The following EBPL variants were observed in gnomAD, a reference collection of about 807,000 sequenced individuals.
The protein encoded by EBPL is EBP like.
A neutral mutation model predicts 19.0 loss-of-function variants in EBPL; 20 were observed. That is an observed-to-expected ratio of 1.05 (90% confidence interval 0.74 to 1.53). The LOEUF (loss-of-function observed/expected upper bound fraction) is 1.53, where lower values mean the gene tolerates loss of function less well. Ranked by LOEUF, EBPL falls within the 40% of genes most tolerant of loss-of-function variation. The pLI is 0.00. For synonymous variants in EBPL, 107 were observed against 117.0 expected, an observed-to-expected ratio of 0.91 and a Z score of 0.55; for missense variants, 219 against 261.1, an observed-to-expected ratio of 0.84 and a Z score of 1.11.
chr13:49,665,632 T>A lies in EBPL; in HGVS notation c.242-2437A>T, dbSNP rs187077619. ...ATGTTGGCAAGGCTGGTCTCAAACT[T>A]AACCTCAAGTGATCCATCTGTTTTG... On this transcript the variant is annotated intron_variant, in intron 2 of 3. Coordinates refer to ENST00000242827, the MANE Select transcript of EBPL (RefSeq NM_032565.5). 1.9e-3 allele frequency among the ~76,000 whole-genome samples: 282 copies of A among 152,224 alleles called. 4 individuals are homozygous for A. Among genetic ancestry groups the A allele is most frequent in the Admixed American group, 0.017 (262 of 15,274 alleles).
chr13:49,670,862 G>T (rs546427288), intron 1 of EBPL, among the ~76,000 whole-genome samples: 9 of 152,210 alleles, frequency 5.9e-5, no homozygotes, highest in Admixed American at 3.3e-4. Context: ...CCTCTACCAG[G>T]CTCCCCGCAC....
chr13:49,665,000 T>G (rs188361630), intron 2 of EBPL, among the ~76,000 whole-genome samples: 41 of 152,162 alleles, frequency 2.7e-4, no homozygotes, highest in Admixed American at 7.2e-4. Context: ...TCCTCTAAAT[T>G]TAAATATACA....
At position 49,660,714 on chromosome 13, in the gene EBPL, C is replaced by G. The variant is rs1328141104; in HGVS notation, c.*254G>C. 3 of 364,216 alleles carry G rather than the reference C, an allele frequency of 8.2e-6. No individual in the cohort carries two copies. Among genetic ancestry groups the G allele is most frequent in the Non-Finnish European group, 1.5e-5 (3 of 203,588 alleles). The allele number at this position is 364,216 out of a possible 1,614,324, so 22.6% of individuals were successfully genotyped here. On this transcript the variant is annotated 3_prime_UTR_variant, in exon 4 of 4. Transcript: ENST00000242827. The stretch of plus-strand genomic sequence containing the variant: ...TTTTACTAATGTGGAACAATTAATG[C>G]CAGCCATAAAATGTATAATTAAACA...
chr13:49,668,285 A>G, intron 2 of EBPL: 1 of 177,540 alleles, frequency 5.6e-6, no homozygotes, highest in East Asian at 1.8e-4. Context: ...AAGAAATGAG[A>G]TATATGGGCC....
At chr13:49,677,317 C>T in intron 1 of EBPL, among the ~76,000 whole-genome samples, 1 of 152,212 alleles carries the variant, frequency 6.6e-6, no homozygotes, top group African/African-American at 2.4e-5. Flanking sequence ...AATCCTGCTG[C>T]ATCCCACCCC....
chr13:49,691,479 A>G lies in EBPL; in HGVS notation c.-55T>C, dbSNP rs772045974. On this transcript the variant is annotated 5_prime_UTR_variant, in exon 1 of 4. Transcript: ENST00000242827. ...GACCATGCGGCAGAGGAAAGCAGGG[A>G]GAGAAACGACGGGGCGGGGCTGGCC... 4 of 1,269,348 alleles carry G rather than the reference A, an allele frequency of 3.2e-6. No individual in the cohort carries two copies. In the Admixed American group the frequency reaches 1.0e-4, roughly 33 times the overall value. 78.6% of individuals were successfully genotyped at this position (1,269,348 alleles called of 1,614,324 possible).
intron 1 of EBPL, among the ~76,000 whole-genome samples, chr13:49,671,192 T>TGG (rs968524493): frequency 6.6e-6 from 1 of 152,156 alleles, no homozygotes; most frequent in Non-Finnish European, 1.5e-5. Flanking sequence ...GGCTGGAGTG[T>TGG]GGTGGTGCAA....
intron 1 of EBPL, among the ~76,000 whole-genome samples, chr13:49,673,962 T>TACACATACACAC (rs1555300740): frequency 7.0e-6 from 1 of 143,270 alleles, no homozygotes; most frequent in African/African-American, 2.6e-5. Flanking sequence ...TGGAACTTAA[T>TACACATACACAC]ACACACACAC....
At chr13:49,666,887 AAAAAAAAAAG>A (rs959241780) in intron 2 of EBPL, among the ~76,000 whole-genome samples, 40 of 45,558 alleles carry the variant, frequency 8.8e-4, no homozygotes, top group African/African-American at 2.2e-3. Context: ...AGACTCTGTT[AAAAAAAAAAG>A]AAAAAAAAAA....
At chr13:49,661,786 T>C in intron 3 of EBPL, 3 of 1,524,834 alleles carry the variant, frequency 2.0e-6, no homozygotes, top group Non-Finnish European at 2.6e-6. Flanking sequence ...ACTATCTCTC[T>C]AAAATTGGGT....
intron 1 of EBPL, among the ~76,000 whole-genome samples, chr13:49,683,595 G>A (rs1230482945): frequency 1.3e-5 from 2 of 152,114 alleles, no homozygotes; most frequent in Non-Finnish European, 2.9e-5. Context: ...CACTGCACCC[G>A]ATCTGGTACT....
intron 1 of EBPL, among the ~76,000 whole-genome samples, chr13:49,683,838 G>C (rs34480126): frequency 1.3e-5 from 2 of 152,028 alleles, no homozygotes; most frequent in Admixed American, 6.5e-5. Flanking sequence ...CCAAGGCCTC[G>C]GCCTAGGAGA....
intron 1 of EBPL, among the ~76,000 whole-genome samples, chr13:49,683,566 A>T (rs2137508572): frequency 6.6e-6 from 1 of 151,994 alleles, no homozygotes; most frequent in South Asian, 2.1e-4. Context: ...AAAAACAAAA[A>T]CAAAAAACAA....
At chr13:49,686,549 C>T (rs1167356317) in intron 1 of EBPL, 40 of 1,289,514 alleles carry the variant, frequency 3.1e-5, no homozygotes, top group Non-Finnish European at 4.0e-5. Flanking sequence ...TTCTGTGGAT[C>T]CCAGGACCCC....
chr13:49,665,039 C>T (rs1163364048), intron 2 of EBPL, among the ~76,000 whole-genome samples: 1 of 151,986 alleles, frequency 6.6e-6, no homozygotes, highest in South Asian at 2.1e-4. Context: ...CCAGTTAGTG[C>T]ACCTAAAATC....
In EBPL at chr13:49,663,095, C is replaced by A; in HGVS notation, c.342G>T (p.Leu114Phe). The stretch of plus-strand genomic sequence containing the variant: ...CTTTGACTATGGCATAAATGAGGAA[C>A]AATGCCAGAGACCCATCCAGGGCGA... ...LTVALDGSLA[L>F]FLIYAIVKEK... Residue 114 changes from leucine to phenylalanine, a missense_variant, in exon 3 of 4, where the codon TTG (leucine) becomes TTT (phenylalanine). Physicochemically the swap from Leu to Phe is conservative, Grantham distance 22. Around this residue, in one of 2 missense-constraint regions of EBPL, gnomAD observed 170 missense variants for 167.0 expected, o/e 1.02. Transcript: ENST00000242827. The A allele has an allele frequency of 6.2e-7, 1 of 1,614,160 alleles. No homozygotes were observed. The highest frequency in any genetic ancestry group is 8.5e-7 in the Non-Finnish European group (1 of 1,180,036).
chr13:49,687,829 G>T (rs1954016057), intron 1 of EBPL, among the ~76,000 whole-genome samples: 1 of 152,150 alleles, frequency 6.6e-6, no homozygotes, highest in Non-Finnish European at 1.5e-5. Context: ...TTCTAAGTTG[G>T]GTAAAATCTC....
At chr13:49,666,872 GA>G in intron 2 of EBPL, among the ~76,000 whole-genome samples, 1 of 146,972 alleles carries the variant, frequency 6.8e-6, no homozygotes, top group East Asian at 2.0e-4. Flanking sequence ...CTGGGAGACA[GA>G]GCGAGACTCT....
intron 1 of EBPL, among the ~76,000 whole-genome samples, chr13:49,682,866 G>T (rs982455691): frequency 6.6e-6 from 1 of 152,118 alleles, no homozygotes; most frequent in Non-Finnish European, 1.5e-5. Flanking sequence ...CATCCCAAAG[G>T]CCCTTGTTCT....
Sources: allele counts gnomAD v4.1 joint callset (sites outside exome capture counted in the v4.1 genomes callset), GRCh38; gene constraint gnomAD v4.1.1; regional missense constraint gnomAD v4.1.1; transcripts MANE v1.5; gene names NCBI Gene and HGNC (gene_info 2026-07-23, HGNC 2026-07-21).